Variants in CAMTA1 observed in about 807,000 individuals in gnomAD.
CAMTA1 encodes calmodulin-binding transcription activator 1.
Under a neutral mutation model 170.9 loss-of-function variants are expected in CAMTA1, and 27 were observed. The ratio of observed to expected loss-of-function variants is 0.16; its 90% CI spans 0.12 to 0.22. CAMTA1 has a LOEUF of 0.22. Ranked by LOEUF, CAMTA1 falls within the 10% of genes least tolerant of loss-of-function variation. The pLI is 1.00. For synonymous variants in CAMTA1, 833 were observed against 891.5 expected, an observed-to-expected ratio of 0.93 and a Z score of 1.17; for missense variants, 1,619 against 2,217.2, an observed-to-expected ratio of 0.73 and a Z score of 5.42.
chr1:7,638,021 T>A (rs1446305222), intron 6 of CAMTA1, among the ~76,000 whole-genome samples: 1 of 152,228 alleles, frequency 6.6e-6, no homozygotes, highest in African/African-American at 2.4e-5. Context: ...TCTGTTTAAT[T>A]ATGCCAGTCT....
intron 5 of CAMTA1, among the ~76,000 whole-genome samples, chr1:7,279,781 T>C (rs928858301): frequency 1.3e-5 from 2 of 152,142 alleles, no homozygotes; most frequent in Non-Finnish European, 2.9e-5. Context: ...AGGAGGACTT[T>C]GAGAGTTGGC....
intron 6 of CAMTA1, among the ~76,000 whole-genome samples, chr1:7,480,220 CGTGT>C (rs1295631059): frequency 1.6e-5 from 1 of 60,844 alleles, no homozygotes; most frequent in Non-Finnish European, 3.3e-5. Context: ...CATGTGTGTA[CGTGT>C]GTGTGAGTGC....
At chr1:7,013,280 C>T (rs1351946180) in intron 3 of CAMTA1, among the ~76,000 whole-genome samples, 5 of 135,236 alleles carry the variant, frequency 3.7e-5, no homozygotes, top group Non-Finnish European at 6.1e-5. Context: ...TGCAGTGGCA[C>T]GGTGTTATCT....
At chr1:7,515,630 G>A (rs752471243) in intron 6 of CAMTA1, among the ~76,000 whole-genome samples, 12 of 152,026 alleles carry the variant, frequency 7.9e-5, no homozygotes, top group East Asian at 1.9e-4. Context: ...TCCACCCCCC[G>A]GGCAGCTCAT....
At chr1:7,654,296 C>T (rs1487251723) in intron 7 of CAMTA1, among the ~76,000 whole-genome samples, 1 of 152,080 alleles carries the variant, frequency 6.6e-6, no homozygotes, top group Non-Finnish European at 1.5e-5. Context: ...ATGAGAATTG[C>T]TTGAACCCAA....
intron 3 of CAMTA1, among the ~76,000 whole-genome samples, chr1:6,851,411 T>G (rs1447692054): frequency 1.3e-5 from 2 of 152,238 alleles, no homozygotes; most frequent in Non-Finnish European, 2.9e-5. Flanking sequence ...TTAGGGATTC[T>G]GTGGAAAGGT....
intron 9 of CAMTA1, among the ~76,000 whole-genome samples, chr1:7,668,637 G>A (rs1042885366): frequency 3.3e-5 from 5 of 151,978 alleles, no homozygotes; most frequent in Admixed American, 6.6e-5. Context: ...TCAGGCACGC[G>A]CGTCACCACC....
chr1:7,614,285 C>T (rs2095544324), intron 6 of CAMTA1, among the ~76,000 whole-genome samples: 1 of 152,070 alleles, frequency 6.6e-6, no homozygotes, highest in South Asian at 2.1e-4. Flanking sequence ...ATGTGTCCAT[C>T]CCCTCCCTTG....
chr1:7,055,024 C>T lies in CAMTA1; in HGVS notation c.235-36280C>T, dbSNP rs1015711196. ...GGGAGGTGCCACACACTTTAAACAA[C>T]CAGATCTTGCGAAACTCACTCGCTG... On this transcript the variant is annotated intron_variant, in intron 3 of 22. Coordinates refer to ENST00000303635, the MANE Select transcript of CAMTA1 (RefSeq NM_015215.4). Among the ~76,000 whole-genome samples the T allele has an allele frequency of 3.3e-5, 5 of 152,050 alleles. No individual in the cohort carries two copies. The South Asian group carries it at 6.3e-4, about 19-fold the overall frequency.
At chr1:6,972,378 T>C (rs1353353595) in intron 3 of CAMTA1, among the ~76,000 whole-genome samples, 1 of 152,218 alleles carries the variant, frequency 6.6e-6, no homozygotes, top group Non-Finnish European at 1.5e-5. Flanking sequence ...TAAATTAATA[T>C]TGATTTGACA....
intron 5 of CAMTA1, among the ~76,000 whole-genome samples, chr1:7,401,503 A>G (rs963579956): frequency 1.3e-5 from 2 of 151,836 alleles, no homozygotes; most frequent in East Asian, 1.9e-4. Flanking sequence ...TAAAATTTAG[A>G]ATTAGTTTGT....
rs1252984923 is a variant in CAMTA1, at chr1:7,538,751, A to G, written c.510+70850A>G. ...TAGGGGTGGGGGTTCTTAAAGAGGT[A>G]GGGCGTGTGACCAGCTGACCAGCTG... On this transcript the variant is annotated intron_variant, in intron 6 of 22. Transcript: ENST00000303635. Among the ~76,000 whole-genome samples the G allele has an allele frequency of 3.3e-5, 5 of 152,370 alleles. No individual in the cohort carries two copies. In the East Asian group the frequency reaches 9.6e-4, roughly 29 times the overall value.
intron 3 of CAMTA1, among the ~76,000 whole-genome samples, chr1:6,902,094 A>C (rs1677217429): frequency 6.7e-6 from 1 of 149,234 alleles, no homozygotes; most frequent in African/African-American, 2.5e-5. Flanking sequence ...TAAAAATAAA[A>C]ACTCGTACTG....
At chr1:7,276,303 A>ATATATATATATATATT in intron 5 of CAMTA1, among the ~76,000 whole-genome samples, 5 of 24,230 alleles carry the variant, frequency 2.1e-4, no homozygotes, top group African/African-American at 8.9e-4. Context: ...ATATATATAT[A>ATATATATATATATATT]TTTTTTTTTT....
At chr1:7,027,122 T>C (rs973643629) in intron 3 of CAMTA1, among the ~76,000 whole-genome samples, 18 of 152,120 alleles carry the variant, frequency 1.2e-4, no homozygotes, top group African/African-American at 4.3e-4. Context: ...CCTTCTTAGA[T>C]GGCTTGAGAA....
At chr1:7,643,102 A>G (rs181300809) in intron 7 of CAMTA1, among the ~76,000 whole-genome samples, 1 of 152,046 alleles carries the variant, frequency 6.6e-6, no homozygotes, top group African/African-American at 2.4e-5. Context: ...GGTGCTTCTG[A>G]AGCTCCTCCC....
chr1:6,997,645 T>C (rs1478430851), intron 3 of CAMTA1, among the ~76,000 whole-genome samples: 1 of 139,586 alleles, frequency 7.2e-6, no homozygotes, highest in Admixed American at 7.4e-5. Context: ...TTTCCATATT[T>C]CCTTTCTTTT....
At chr1:7,070,874 T>A (rs192151075) in intron 3 of CAMTA1, among the ~76,000 whole-genome samples, 232 of 152,354 alleles carry the variant, frequency 1.5e-3, no homozygotes, top group African/African-American at 5.3e-3. Flanking sequence ...TGCAGGGGAC[T>A]GGAAAGCAGA....
intron 5 of CAMTA1, among the ~76,000 whole-genome samples, chr1:7,407,845 C>T (rs2090410845): frequency 6.6e-6 from 1 of 151,902 alleles, no homozygotes; most frequent in Non-Finnish European, 1.5e-5. Context: ...GGACAGTCCC[C>T]CAGGAAGGGA....
Sources: gnomAD v4.1 joint callset for allele counts (sites outside exome capture counted in the v4.1 genomes callset) on GRCh38, gnomAD v4.1.1 for gene constraint, MANE v1.5 for transcripts, NCBI Gene and HGNC (gene_info 2026-07-23, HGNC 2026-07-21) for gene names.